Variants in SLC4A5 observed in about 807,000 individuals in gnomAD.
SLC4A5 encodes solute carrier family 4 member 5.
A neutral mutation model predicts 120.4 loss-of-function variants in SLC4A5; 96 were observed. The ratio of observed to expected loss-of-function variants is 0.80; its 90% CI spans 0.68 to 0.94. SLC4A5 has a LOEUF of 0.94. Among genes scored for constraint, SLC4A5 ranks in the 40% least tolerant of loss-of-function variants. The pLI is 0.00. For synonymous variants in SLC4A5, 550 were observed against 571.1 expected, an observed-to-expected ratio of 0.96 and a Z score of 0.53; for missense variants, 1,259 against 1,459.5, an observed-to-expected ratio of 0.86 and a Z score of 2.24.
intron 27 of SLC4A5, among the ~76,000 whole-genome samples, chr2:74,226,353 T>G (rs1694840785): frequency 6.6e-6 from 1 of 152,204 alleles, no homozygotes; most frequent in African/African-American, 2.4e-5. Context: ...GTGAGTTATC[T>G]AGGGGGCCAG....
chr2:74,264,733 T>C (rs1389389855), intron 9 of SLC4A5, among the ~76,000 whole-genome samples: 2 of 152,088 alleles, frequency 1.3e-5, no homozygotes, highest in African/African-American at 4.8e-5. Context: ...AGCCAACTCC[T>C]CCCTTCGACA....
intron 30 of SLC4A5, among the ~76,000 whole-genome samples, chr2:74,220,585 C>A (rs146342585): frequency 6.6e-6 from 1 of 151,758 alleles, no homozygotes; most frequent in African/African-American, 2.4e-5. Flanking sequence ...GGCGTGATCT[C>A]GGCTCACTGC....
At position 74,307,549 on chromosome 2, in the gene SLC4A5, T is replaced by C. The variant is rs897068031; in HGVS notation, c.80-2869A>G. On this transcript the variant is annotated intron_variant, in intron 6 of 30. Coordinates refer to ENST00000394019, the Ensembl canonical transcript of SLC4A5. ...AAGTCATTGGCAGCAAGATGGGCAC[T>C]GTCGATCTGCACAATGTGGGCATTG... is the stretch of plus-strand genomic sequence containing the variant. 7.8e-6 allele frequency: 5 copies of C among 639,048 alleles called. No homozygotes were observed. In the Admixed American group the frequency reaches 9.2e-5, roughly 12 times the overall value. The allele number at this position is 639,048 out of a possible 1,614,324, so 39.6% of individuals were successfully genotyped here.
At chr2:74,248,326 C>A in intron 18 of SLC4A5, 27 bp downstream of exon 18, 1 of 1,611,714 alleles carries the variant, frequency 6.2e-7, no homozygotes, top group Non-Finnish European at 8.5e-7. Flanking sequence ...CGAGAGCAGG[C>A]ACTGGGGGCC....
At chr2:74,222,395 G>A (rs1357638747) in intron 29 of SLC4A5, among the ~76,000 whole-genome samples, 1 of 152,176 alleles carries the variant, frequency 6.6e-6, no homozygotes, top group Non-Finnish European at 1.5e-5. Context: ...TGGAGTACCA[G>A]TCCTGGTGGC....
At chr2:74,283,355 C>T (rs898541605) in intron 8 of SLC4A5, among the ~76,000 whole-genome samples, 2 of 152,124 alleles carry the variant, frequency 1.3e-5, no homozygotes, top group African/African-American at 2.4e-5. Flanking sequence ...GGAGACAAGC[C>T]GTGAATCGAT....
intron 8 of SLC4A5, among the ~76,000 whole-genome samples, chr2:74,270,716 C>T (rs944301441): frequency 6.6e-6 from 1 of 152,148 alleles, no homozygotes; most frequent in South Asian, 2.1e-4. Flanking sequence ...TGGATGGTTA[C>T]CCCACCAGGA....
chr2:74,220,910 G>A (rs371622234), intron 30 of SLC4A5, among the ~76,000 whole-genome samples: 7 of 144,458 alleles, frequency 4.8e-5, no homozygotes, highest in East Asian at 2.0e-4. Context: ...GCGCGATCTC[G>A]GCTTACTGCA....
chr2:74,282,277 G>A (rs189207420), intron 8 of SLC4A5, among the ~76,000 whole-genome samples: 1 of 152,354 alleles, frequency 6.6e-6, no homozygotes, highest in East Asian at 1.9e-4. Context: ...GCTGTAGAGA[G>A]TAGAAAAGGG....
intron 19 of SLC4A5, among the ~76,000 whole-genome samples, chr2:74,244,643 G>T (rs2103963224): frequency 6.6e-6 from 1 of 151,876 alleles, no homozygotes; most frequent in Non-Finnish European, 1.5e-5. Context: ...GACAGGGTCT[G>T]GCTATGTTGT....
At chr2:74,220,456 C>T (rs141233880) in intron 30 of SLC4A5, among the ~76,000 whole-genome samples, 6 of 152,258 alleles carry the variant, frequency 3.9e-5, no homozygotes, top group Non-Finnish European at 5.9e-5. Context: ...CGATCCTTAG[C>T]GTTCATTTAT....
At chr2:74,240,779 A>C (rs1369200387) in intron 20 of SLC4A5, among the ~76,000 whole-genome samples, 1 of 152,032 alleles carries the variant, frequency 6.6e-6, no homozygotes, top group Non-Finnish European at 1.5e-5. Context: ...CAAAAAAAAA[A>C]AAACCCTAAT....
intron 8 of SLC4A5, among the ~76,000 whole-genome samples, chr2:74,274,437 A>T (rs1671576957): frequency 6.6e-6 from 1 of 152,256 alleles, no homozygotes; most frequent in South Asian, 2.1e-4. Context: ...ACAACGGATT[A>T]TGACTTTGCA....
At chr2:74,278,312 C>A (rs910368821) in intron 8 of SLC4A5, among the ~76,000 whole-genome samples, 1 of 152,178 alleles carries the variant, frequency 6.6e-6, no homozygotes, top group South Asian at 2.1e-4. Context: ...ACTTAATTAG[C>A]CTTCCAATCT....
chr2:74,264,191 A>T, exon 10 of SLC4A5: 1 of 1,614,170 alleles, frequency 6.2e-7, no homozygotes, highest in Non-Finnish European at 8.5e-7. Context: ...GGAGCGGTGG[A>T]TGGGCTTCTT....
intron 3 of SLC4A5, among the ~76,000 whole-genome samples, chr2:74,337,865 G>A (rs908217684): frequency 2.6e-5 from 4 of 152,158 alleles, no homozygotes; most frequent in Non-Finnish European, 5.9e-5. Context: ...AAATTATGTG[G>A]TTATTCTGCC....
chr2:74,288,749 C>A (rs560352684), intron 7 of SLC4A5, among the ~76,000 whole-genome samples: 1 of 152,318 alleles, frequency 6.6e-6, no homozygotes, highest in East Asian at 1.9e-4. Context: ...AACATTCCAA[C>A]TGACAATTGG....
chr2:74,307,048 G>A, intron 6 of SLC4A5: 1 of 572,432 alleles, frequency 1.7e-6, no homozygotes, highest in South Asian at 1.6e-5. Flanking sequence ...ACCTCCCTCA[G>A]GCTGTTTCCC....
At chr2:74,218,418 A>C (rs1694510845) in exon 31 of SLC4A5, 1 of 152,246 alleles carries the variant, frequency 6.6e-6, no homozygotes, top group Admixed American at 6.5e-5. Flanking sequence ...AAAATAAAAT[A>C]TAATATTTAG....
Sources: allele counts gnomAD v4.1 joint callset (sites outside exome capture counted in the v4.1 genomes callset), GRCh38; gene constraint gnomAD v4.1.1; transcripts MANE v1.5; gene names NCBI Gene and HGNC (gene_info 2026-07-23, HGNC 2026-07-21).